The following FMN1 variants were observed in gnomAD, a reference collection of about 807,000 sequenced individuals.
The protein encoded by FMN1 is formin 1.
Under a neutral mutation model 132.4 loss-of-function variants are expected in FMN1, and 110 were observed. The ratio of observed to expected loss-of-function variants is 0.83; its 90% CI spans 0.71 to 0.97. The LOEUF (loss-of-function observed/expected upper bound fraction) is 0.97. Among genes scored for constraint, FMN1 ranks in the 50% least tolerant of loss-of-function variants. The pLI is 0.00. For synonymous variants in FMN1, 722 were observed against 651.7 expected, an observed-to-expected ratio of 1.11 and a Z score of -1.64; for missense variants, 1,792 against 1,705.3, an observed-to-expected ratio of 1.05 and a Z score of -0.90.
At chr15:33,107,118 TA>T (rs2039517657) in intron 4 of FMN1, among the ~76,000 whole-genome samples, 1 of 151,994 alleles carries the variant, frequency 6.6e-6, no homozygotes, top group Admixed American at 6.6e-5. Flanking sequence ...TTTCTAAGAT[TA>T]AAACCTGCTT....
At chr15:33,055,562 G>C (rs2037178329) in intron 6 of FMN1, among the ~76,000 whole-genome samples, 1 of 151,328 alleles carries the variant, frequency 6.6e-6, no homozygotes, top group Non-Finnish European at 1.5e-5. Flanking sequence ...AACAATTCTG[G>C]GTAATTTGGA....
chr15:32,819,437 T>G (rs555401577), intron 17 of FMN1, among the ~76,000 whole-genome samples: 1 of 152,336 alleles, frequency 6.6e-6, no homozygotes, highest in Admixed American at 6.5e-5. Flanking sequence ...GCTGCTGTTT[T>G]TATGGCTGGT....
rs554524295 is a variant in FMN1, at chr15:32,963,476, C to G, written c.3138+631G>C. ...TAACCTGCACATTGTGCACATGTAC[C>G]CTAAAACTTAAAGTATAATAAATAA... On this transcript the variant is annotated intron_variant, in intron 9 of 20. Coordinates refer to ENST00000616417, the MANE Select transcript of FMN1 (RefSeq NM_001277313.2). Among the ~76,000 whole-genome samples the G allele has an allele frequency of 3.3e-5, 5 of 151,076 alleles. No individual in the cohort carries two copies. In the East Asian group the frequency reaches 9.7e-4, roughly 29 times the overall value.
At chr15:32,990,224 A>G (rs997177447) in intron 7 of FMN1, among the ~76,000 whole-genome samples, 2 of 152,170 alleles carry the variant, frequency 1.3e-5, no homozygotes, top group African/African-American at 2.4e-5. Context: ...GACAAAATAT[A>G]AAAGGTCAGG....
At chr15:33,144,341 G>A (rs1158941547) in intron 4 of FMN1, among the ~76,000 whole-genome samples, 1 of 152,076 alleles carries the variant, frequency 6.6e-6, no homozygotes, top group East Asian at 1.9e-4. Context: ...AAATTAGGTA[G>A]AAATCCAATA....
intron 10 of FMN1, among the ~76,000 whole-genome samples, chr15:32,917,167 G>C (rs774931000): frequency 6.6e-6 from 1 of 152,232 alleles, no homozygotes; most frequent in Non-Finnish European, 1.5e-5. Flanking sequence ...CCAGTAGAGA[G>C]GGGTGTGGAG....
chr15:33,144,064 C>A (rs1032016200), intron 4 of FMN1, among the ~76,000 whole-genome samples: 1 of 152,108 alleles, frequency 6.6e-6, no homozygotes, highest in African/African-American at 2.4e-5. Flanking sequence ...TGTGACTTCA[C>A]GTGATTCAGA....
intron 9 of FMN1, among the ~76,000 whole-genome samples, chr15:32,928,092 T>C (rs1203956712): frequency 6.6e-6 from 1 of 152,238 alleles, no homozygotes; most frequent in African/African-American, 2.4e-5. Context: ...TATTGCCAGA[T>C]ATTTTTTTCC....
At chr15:33,129,823 C>A (rs932792932) in intron 4 of FMN1, among the ~76,000 whole-genome samples, 1 of 137,344 alleles carries the variant, frequency 7.3e-6, no homozygotes, top group African/African-American at 2.7e-5. Flanking sequence ...GACAGAGTCT[C>A]GTTCTGTCGC....
chr15:33,031,610 C>G (rs1566846431), intron 6 of FMN1, among the ~76,000 whole-genome samples: 1 of 152,212 alleles, frequency 6.6e-6, no homozygotes, highest in Non-Finnish European at 1.5e-5. Flanking sequence ...ACTCCTGGAG[C>G]CGCGTTCACA....
chr15:32,780,501 C>A (rs1010467448), intron 19 of FMN1, among the ~76,000 whole-genome samples: 10 of 152,178 alleles, frequency 6.6e-5, no homozygotes, highest in African/African-American at 2.4e-4. Context: ...AGCATGTCAT[C>A]AAAAAATAAC....
intron 10 of FMN1, among the ~76,000 whole-genome samples, chr15:32,921,952 CTGTT>C (rs770781080): frequency 5.3e-5 from 8 of 152,102 alleles, no homozygotes; most frequent in Non-Finnish European, 1.2e-4. Context: ...GATTACATGT[CTGTT>C]TTTCACGTTT....
intron 2 of FMN1, among the ~76,000 whole-genome samples, chr15:33,180,761 T>C (rs977880867): frequency 6.7e-6 from 1 of 150,042 alleles, no homozygotes; most frequent in African/African-American, 2.5e-5. Context: ...TTTTTTTTTT[T>C]TTTTTAAGAC....
intron 9 of FMN1, among the ~76,000 whole-genome samples, chr15:32,957,602 T>C (rs978619615): frequency 1.3e-5 from 2 of 152,168 alleles, no homozygotes; most frequent in Non-Finnish European, 2.9e-5. Flanking sequence ...CAAATAGTTT[T>C]AGGAATTGAC....
chr15:32,997,795 TGCCCTTTCAATTCCTTCAATA>T (rs2033864201), intron 7 of FMN1, among the ~76,000 whole-genome samples: 2 of 152,280 alleles, frequency 1.3e-5, no homozygotes, highest in South Asian at 4.1e-4. Context: ...CCAAAGCTGC[TGCCCTTTCAATTCCTTCAATA>T]GCCCTTTCAG....
At chr15:32,792,949 G>T (rs2057142264) in intron 19 of FMN1, among the ~76,000 whole-genome samples, 1 of 152,134 alleles carries the variant, frequency 6.6e-6, no homozygotes, top group African/African-American at 2.4e-5. Flanking sequence ...TTTTTCCTTT[G>T]TTTAAGCAAC....
chr15:32,834,698 A>G (rs1241377744), intron 17 of FMN1, among the ~76,000 whole-genome samples: 1 of 152,254 alleles, frequency 6.6e-6, no homozygotes, highest in East Asian at 1.9e-4. Context: ...AGGCAGCAGC[A>G]GCAAGAAGTG....
At chr15:33,019,234 C>G (rs1358650346) in intron 6 of FMN1, among the ~76,000 whole-genome samples, 3 of 152,136 alleles carry the variant, frequency 2.0e-5, no homozygotes, top group East Asian at 1.9e-4. Context: ...CTCCACCTCC[C>G]CACTAGATTA....
intron 5 of FMN1, among the ~76,000 whole-genome samples, chr15:33,066,283 C>T (rs747274387): frequency 1.4e-4 from 21 of 152,194 alleles, no homozygotes; most frequent in Non-Finnish European, 2.5e-4. Flanking sequence ...CCTACCTGCA[C>T]ATCTTTGTGT....
Sources: allele counts gnomAD v4.1 joint callset (sites outside exome capture counted in the v4.1 genomes callset), GRCh38; gene constraint gnomAD v4.1.1; transcripts MANE v1.5; gene names NCBI Gene and HGNC (gene_info 2026-07-23, HGNC 2026-07-21).